The following IPO11 variants were observed in gnomAD, a reference collection of about 807,000 sequenced individuals.
The protein encoded by IPO11 is importin 11, also known as importin-11.
In IPO11, 66 loss-of-function variants were observed where a neutral mutation model predicts 143.2. The observed-to-expected ratio is 0.46, with a 90% CI of 0.38 to 0.57. The LOEUF (loss-of-function observed/expected upper bound fraction) is 0.57. Among genes scored for constraint, IPO11 ranks in the 20% least tolerant of loss-of-function variants. IPO11 has a pLI of 0.00. For missense variants in IPO11, 1,026 were observed against 1,141.0 expected, an observed-to-expected ratio of 0.90 and a Z score of 1.45; for synonymous variants, 385 against 377.8, an observed-to-expected ratio of 1.02 and a Z score of -0.22.
intron 4 of IPO11, among the ~76,000 whole-genome samples, chr5:62,450,224 G>A (rs927798161): frequency 6.6e-6 from 1 of 152,046 alleles, no homozygotes; most frequent in Non-Finnish European, 1.5e-5. Flanking sequence ...AGGTATATTT[G>A]TATGCTTTTC....
intron 27 of IPO11, among the ~76,000 whole-genome samples, chr5:62,575,140 C>T (rs1434887085): frequency 2.0e-5 from 3 of 152,146 alleles, no homozygotes; most frequent in Non-Finnish European, 4.4e-5. Context: ...GGCAGTAATG[C>T]TCATGGACAA....
intron 9 of IPO11, 39 bp downstream of exon 9, chr5:62,476,792 A>C: frequency 6.9e-7 from 1 of 1,443,060 alleles, no homozygotes; most frequent in Non-Finnish European, 9.3e-7. Flanking sequence ...AATATAATAC[A>C]CATATTCAGA....
At chr5:62,485,489 A>G (rs765901277) in intron 12 of IPO11, 27 bp downstream of exon 12, 4 of 1,547,882 alleles carry the variant, frequency 2.6e-6, no homozygotes, top group South Asian at 1.1e-5. Flanking sequence ...AGAAAAATTG[A>G]TAGGGGAAAG....
chr5:62,569,177 A>G (rs1457056571), intron 27 of IPO11, among the ~76,000 whole-genome samples: 2 of 152,158 alleles, frequency 1.3e-5, no homozygotes, highest in East Asian at 3.9e-4. Flanking sequence ...CTTCCAAGGC[A>G]AAGCTGTCTG....
chr5:62,420,006 G>A (rs1286895930), intron 1 of IPO11, among the ~76,000 whole-genome samples: 11 of 151,988 alleles, frequency 7.2e-5, no homozygotes, highest in Non-Finnish European at 1.2e-4. Context: ...CTTAAAAAAA[G>A]TAGGCTGGGC....
chr5:62,418,154 G>A (rs1397171327), intron 1 of IPO11, among the ~76,000 whole-genome samples: 4 of 146,432 alleles, frequency 2.7e-5, no homozygotes, highest in Non-Finnish European at 4.5e-5. Flanking sequence ...CCATGCCCAC[G>A]CCTGCCTAGT....
chr5:62,558,129 A>G (rs189551869), intron 26 of IPO11, among the ~76,000 whole-genome samples: 40 of 152,358 alleles, frequency 2.6e-4, no homozygotes, highest in African/African-American at 9.1e-4. Context: ...AGTTGTTAAA[A>G]TATTGACCTA....
intron 26 of IPO11, among the ~76,000 whole-genome samples, chr5:62,557,608 A>G (rs963914627): frequency 2.0e-5 from 3 of 152,202 alleles, no homozygotes; most frequent in Non-Finnish European, 2.9e-5. Flanking sequence ...TCCTCCATCT[A>G]TAGGCTAGTG....
intron 2 of IPO11, among the ~76,000 whole-genome samples, chr5:62,442,502 A>G (rs934641622): frequency 6.6e-6 from 1 of 152,224 alleles, no homozygotes; most frequent in African/African-American, 2.4e-5. Context: ...TTGTAGAACT[A>G]TATATACTTC....
At chr5:62,507,629 G>C (rs1002110380) in intron 19 of IPO11, among the ~76,000 whole-genome samples, 1 of 152,010 alleles carries the variant, frequency 6.6e-6, no homozygotes, top group Non-Finnish European at 1.5e-5. Context: ...GCAATAAATG[G>C]TTTAAAAAGT....
At chr5:62,483,962 G>GCTACATTGGATTATGTAA in intron 10 of IPO11, 48 bp from the exon 11 acceptor site, 2 of 1,464,818 alleles carry the variant, frequency 1.4e-6, no homozygotes, top group Non-Finnish European at 1.9e-6. Flanking sequence ...ATCCAATGTA[G>GCTACATTGGATTATGTAA]CTACAATGTT....
At chr5:62,602,531 A>G (rs1745544758) in intron 29 of IPO11, among the ~76,000 whole-genome samples, 1 of 152,156 alleles carries the variant, frequency 6.6e-6, no homozygotes, top group Non-Finnish European at 1.5e-5. Flanking sequence ...CAAAATGAAA[A>G]CAATTGTATC....
chr5:62,526,095 G>A, intron 20 of IPO11, 47 bp from the exon 21 acceptor site: 1 of 1,222,110 alleles, frequency 8.2e-7, no homozygotes, highest in Non-Finnish European at 1.2e-6. Context: ...GGTGCGGGAT[G>A]GGACATTAGA....
chr5:62,591,185 G>A (rs1744997232), intron 27 of IPO11, among the ~76,000 whole-genome samples: 1 of 151,890 alleles, frequency 6.6e-6, no homozygotes, highest in Admixed American at 6.6e-5. Flanking sequence ...CCAGATACTT[G>A]TTTTACAAAT....
Position 62,506,302 on chromosome 5 carries a change from C to G in IPO11, c.1727C>G (p.Thr576Arg). ...CTGCAGCAAGTTACAGAATGTGACA[C>G]AAAGATGCATGTTTTGCATGTCCTT... is the stretch of plus-strand genomic sequence containing the variant. ...QLLQQVTECD[T>R]KMHVLHVLSC... The change falls in exon 19 of 30, where the codon ACA becomes AGA. Residue 576 changes from threonine to arginine, a missense_variant. By Grantham distance (71) the Thr-to-Arg change is moderately conservative. This residue lies in a region of IPO11 where 237 missense variants were observed against 288.0 expected (regional missense o/e 0.82). Transcript: ENST00000325324. 4 of 1,609,802 alleles carry G rather than the reference C, an allele frequency of 2.5e-6. No homozygotes were observed. Among genetic ancestry groups the G allele is most frequent in the Non-Finnish European group, 3.4e-6 (4 of 1,177,536 alleles).
rs550396941 is a variant in IPO11 at position 62,435,433 on chromosome 5, A to T, written c.-6-1841A>T. Among the ~76,000 whole-genome samples, 520 of 148,550 alleles carry T rather than the reference A, an allele frequency of 3.5e-3. 2 individuals carry two copies. Among genetic ancestry groups the T allele is most frequent in the Non-Finnish European group, 4.2e-3 (284 of 67,062 alleles). Reference sequence around the variant, plus strand: ...GCGAGACCTTGTCTCTACAAAAAATAAAAAATAAAAAAAAATTAGCTGGGC... The same window carrying T: ...GCGAGACCTTGTCTCTACAAAAAATTAAAAATAAAAAAAAATTAGCTGGGC... On this transcript the variant is annotated intron_variant, in intron 1 of 29. Transcript: ENST00000325324.
In IPO11 at chr5:62,553,114, C is replaced by T. The variant is rs184003562; in HGVS notation, c.2460+1778C>T. ...CAATATCTCTCTCTCTCCTCACTTT[C>T]CCCTTACCTTTCCCAGTCTAGTAAC... On this transcript the variant is annotated intron_variant, in intron 26 of 29. Coordinates refer to ENST00000325324, the MANE Select transcript of IPO11 (RefSeq NM_016338.5). Among the ~76,000 whole-genome samples, 918 of 152,214 alleles carry T rather than the reference C, an allele frequency of 6.0e-3. 5 individuals are homozygous for T. The highest frequency in any genetic ancestry group is 0.01 in the Admixed American group (158 of 15,284).
intron 27 of IPO11, among the ~76,000 whole-genome samples, chr5:62,566,650 A>G (rs1421078644): frequency 1.3e-5 from 2 of 151,582 alleles, no homozygotes; most frequent in Non-Finnish European, 2.9e-5. Flanking sequence ...AGGCTTAAGA[A>G]TCACTTGAAT....
intron 5 of IPO11, among the ~76,000 whole-genome samples, chr5:62,452,910 G>T (rs1177991032): frequency 6.6e-6 from 1 of 150,546 alleles, no homozygotes; most frequent in Non-Finnish European, 1.5e-5. Context: ...ATGCCACCAT[G>T]CCCAGATGGT....
Sources: allele counts gnomAD v4.1 joint callset (sites outside exome capture counted in the v4.1 genomes callset), GRCh38; gene constraint gnomAD v4.1.1; regional missense constraint gnomAD v4.1.1; transcripts MANE v1.5; gene names NCBI Gene and HGNC (gene_info 2026-07-23, HGNC 2026-07-21).